Variants in NFATC2 observed in about 807,000 individuals in gnomAD.
The protein encoded by NFATC2 is nuclear factor of activated T-cells, cytoplasmic 2.
A neutral mutation model predicts 87.3 loss-of-function variants in NFATC2; 22 were observed. The observed-to-expected ratio is 0.25, with a 90% CI of 0.18 to 0.36. NFATC2 has a LOEUF of 0.36. NFATC2 is among the 10% of genes least tolerant of loss of function. The pLI is 1.00. For synonymous variants in NFATC2, 565 were observed against 542.2 expected, an observed-to-expected ratio of 1.04 and a Z score of -0.58; for missense variants, 1,149 against 1,259.1, an observed-to-expected ratio of 0.91 and a Z score of 1.32.
In NFATC2 at chr20:51,473,587, T is replaced by TTTGTTA. The variant is rs1220343332; in HGVS notation, c.1708+387_1708+392dup. ...GCTCAATGAGTGAGAGCTGCTGTGG[T>TTTGTTA]TTGTTATTGTTATTGAAAGGATAAA... On this transcript the variant is annotated intron_variant, in intron 5 of 10. Transcript: ENST00000371564. Among the ~76,000 whole-genome samples, 3 of 152,254 alleles carry TTTGTTA rather than the reference T, an allele frequency of 2.0e-5. No individual in the cohort carries two copies. The East Asian group carries it at 5.8e-4, about 29-fold the overall frequency.
At chr20:51,401,650 T>A (rs1988058718) in intron 9 of NFATC2, among the ~76,000 whole-genome samples, 1 of 152,116 alleles carries the variant, frequency 6.6e-6, no homozygotes, top group Non-Finnish European at 1.5e-5. Flanking sequence ...CAGGGGTACC[T>A]CAAAAACCAC....
Position 51,480,249 on chromosome 20 carries a change from C to T in NFATC2, c.1333-4589G>A, listed in dbSNP as rs569126330. On this transcript the variant is annotated intron_variant, in intron 3 of 10. Coordinates refer to ENST00000371564, the MANE Select transcript of NFATC2 (RefSeq NM_012340.5). The surrounding 1 kb of genome is among the most constrained non-coding windows in gnomAD (Gnocchi z 4.2). ...GTGGCAGTGAGCCGATATTGCACCA[C>T]TGCACTCCCGCCTGGGTCACAAAGC... Among the ~76,000 whole-genome samples the T allele has an allele frequency of 2.2e-4, 34 of 152,230 alleles. No individual in the cohort carries two copies. The highest frequency in any genetic ancestry group is 3.4e-3 in the Middle Eastern group (1 of 294).
At chr20:51,395,833 G>C (rs1987003228) in intron 10 of NFATC2, among the ~76,000 whole-genome samples, 1 of 151,754 alleles carries the variant, frequency 6.6e-6, no homozygotes, top group African/African-American at 2.4e-5. Context: ...TGATATACCA[G>C]GGGTCAACAA....
chr20:51,398,993 G>C (rs1452168215), intron 9 of NFATC2: 3 of 375,302 alleles, frequency 8.0e-6, no homozygotes, highest in African/African-American at 2.0e-5. Context: ...CGTGTTCAGG[G>C]TGGACAAAAG....
intron 1 of NFATC2, among the ~76,000 whole-genome samples, chr20:51,549,527 G>A (rs180820848): frequency 2.0e-5 from 3 of 152,226 alleles, no homozygotes; most frequent in Non-Finnish European, 2.9e-5. Context: ...ATGGCATGAA[G>A]ACATAAATGT....
chr20:51,542,739 C>T, upstream of NFATC2: 2 of 171,912 alleles, frequency 1.2e-5, no homozygotes, highest in Non-Finnish European at 1.3e-5. Flanking sequence ...CCTGTTGCAG[C>T]CCGGGGAGGC....
At chr20:51,423,556 TGACCTACCCA>T (rs1981293267) in intron 9 of NFATC2, among the ~76,000 whole-genome samples, 1 of 152,192 alleles carries the variant, frequency 6.6e-6, no homozygotes. Flanking sequence ...GTTATGATGC[TGACCTACCCA>T]TAAATCTTGC....
chr20:51,395,277 A>T (rs1389310846), intron 10 of NFATC2, among the ~76,000 whole-genome samples: 1 of 152,058 alleles, frequency 6.6e-6, no homozygotes, highest in Non-Finnish European at 1.5e-5. Flanking sequence ...CTAGCAGGTG[A>T]CAGGGGATTG....
At chr20:51,396,042 A>ATATATAT (rs1987051929) in intron 10 of NFATC2, among the ~76,000 whole-genome samples, 2 of 1,280 alleles carry the variant, frequency 1.6e-3, no homozygotes, top group African/African-American at 9.5e-3. Flanking sequence ...TAGTATGTAT[A>ATATATAT]TATATATATA....
At position 51,387,658 on chromosome 20, in the gene NFATC2, G is replaced by A. The variant is rs567037109; in HGVS notation, c.*3838C>T. 18 of 152,186 alleles carry A rather than the reference G, an allele frequency of 1.2e-4. No individual in the cohort carries two copies. The highest frequency in any genetic ancestry group is 3.4e-4 in the African/African-American group (14 of 41,526). The allele number at this position is 152,186 out of a possible 1,614,324, so 9.4% of individuals were successfully genotyped here. A position where few individuals can be genotyped will look rare whatever the true frequency, so the allele number is the denominator to read the frequency against. On this transcript the variant is annotated 3_prime_UTR_variant, in exon 11 of 11. Coordinates refer to ENST00000371564, the MANE Select transcript of NFATC2 (RefSeq NM_012340.5). ...ATGCAATTGGCTGCTTTGGTTCCACGAAACGTAATGCCCTAGCCTCGAGCC... is the reference window on the plus strand; with the variant it reads ...ATGCAATTGGCTGCTTTGGTTCCACAAAACGTAATGCCCTAGCCTCGAGCC...
At chr20:51,396,038 G>GTGTATATA (rs1987043407) in intron 10 of NFATC2, among the ~76,000 whole-genome samples, 2 of 21,316 alleles carry the variant, frequency 9.4e-5, no homozygotes, top group Non-Finnish European at 1.7e-4. Flanking sequence ...CTCCTAGTAT[G>GTGTATATA]TATATATATA....
intron 1 of NFATC2, among the ~76,000 whole-genome samples, chr20:51,550,453 T>C (rs2076923655): frequency 6.6e-6 from 1 of 151,904 alleles, no homozygotes; most frequent in South Asian, 2.1e-4. Flanking sequence ...TAGCCAGGCA[T>C]GGTGGTGGGC....
chr20:51,488,802 A>ATC (rs2075828790), intron 3 of NFATC2, among the ~76,000 whole-genome samples: 1 of 152,166 alleles, frequency 6.6e-6, no homozygotes, highest in Non-Finnish European at 1.5e-5. Flanking sequence ...CCTGAATAGA[A>ATC]TCTCCACAAG....
Position 51,523,991 on chromosome 20 carries a change from CG to C in NFATC2, c.249del (p.Gly84AlafsTer9). On this transcript the variant is annotated frameshift_variant, in exon 2 of 11. Transcript: ENST00000371564. LOFTEE classifies it high-confidence loss of function. The surrounding 1 kb of genome is among the most constrained non-coding windows in gnomAD (Gnocchi z 6.9). The part of the protein sequence containing the change: ...SPLASLSGEP[P>X]GRFGEPDRVG... ...ACCCTATCCGGCTCTCCGAATCGGC[CG>C]GGGGGCTCGCCAGAGAGACTAGCAA... The C allele has an allele frequency of 1.3e-6, 2 of 1,569,756 alleles. No individual in the cohort carries two copies. Among genetic ancestry groups the C allele is most frequent in the Non-Finnish European group, 1.7e-6 (2 of 1,163,604 alleles).
intron 1 of NFATC2, among the ~76,000 whole-genome samples, chr20:51,526,943 GGT>G (rs2146738956): frequency 6.6e-6 from 1 of 152,226 alleles, no homozygotes; most frequent in South Asian, 2.1e-4. Context: ...CAGCTGCCCA[GGT>G]TGAAGTGCTG....
At chr20:51,437,198 T>C (rs1983716745) in intron 6 of NFATC2, among the ~76,000 whole-genome samples, 1 of 152,078 alleles carries the variant, frequency 6.6e-6, no homozygotes, top group Non-Finnish European at 1.5e-5. Flanking sequence ...AGTTTTCAGC[T>C]GAAACAAATA....
intron 3 of NFATC2, among the ~76,000 whole-genome samples, chr20:51,492,859 C>G (rs1203416280): frequency 6.6e-6 from 1 of 152,270 alleles, no homozygotes; most frequent in Non-Finnish European, 1.5e-5. Context: ...CTGGGCCTGT[C>G]AAGGCCAAGC....
intron 6 of NFATC2, among the ~76,000 whole-genome samples, chr20:51,449,381 C>A (rs889317429): frequency 6.6e-6 from 1 of 152,094 alleles, no homozygotes; most frequent in Non-Finnish European, 1.5e-5. Context: ...AGCCAGACAT[C>A]CCCCGCAGAG....
chr20:51,448,867 A>G (rs138021511), intron 6 of NFATC2, among the ~76,000 whole-genome samples: 12 of 152,298 alleles, frequency 7.9e-5, no homozygotes, highest in Middle Eastern at 3.4e-3. Flanking sequence ...AAATAGTAAT[A>G]CAAATAATAT....
Sources: gnomAD v4.1 joint callset for allele counts (sites outside exome capture counted in the v4.1 genomes callset) on GRCh38, gnomAD v4.1.1 for gene constraint, Gnocchi (gnomAD v3.1) non-coding constraint, MANE v1.5 for transcripts, NCBI Gene and HGNC (gene_info 2026-07-23, HGNC 2026-07-21) for gene names.